Variants in PHYHD1 observed in about 807,000 individuals in gnomAD.
The protein encoded by PHYHD1 is phytanoyl-CoA dioxygenase domain-containing protein 1.
In PHYHD1, 42 loss-of-function variants were observed where a neutral mutation model predicts 43.6. That is an observed-to-expected ratio of 0.96 (90% CI 0.75 to 1.25). The LOEUF (loss-of-function observed/expected upper bound fraction) is 1.25, where lower values mean the gene tolerates loss of function less well. Ranked by LOEUF, PHYHD1 falls within the 50% of genes most tolerant of loss-of-function variation. The pLI is 0.00. For synonymous variants in PHYHD1, 139 were observed against 143.6 expected, an observed-to-expected ratio of 0.97 and a Z score of 0.23; for missense variants, 342 against 370.8, an observed-to-expected ratio of 0.92 and a Z score of 0.64.
chr9:128,937,065 A>C (rs879576920), intron 8 of PHYHD1, among the ~76,000 whole-genome samples: 1 of 152,094 alleles, frequency 6.6e-6, no homozygotes, highest in Non-Finnish European at 1.5e-5. Context: ...CAGTGAGTGG[A>C]GATCACGCCA....
In PHYHD1 at chr9:128,930,585, T is replaced by A. The variant is rs556444279; in HGVS notation, c.193-3197T>A. On this transcript the variant is annotated intron_variant, in intron 4 of 12. Coordinates refer to ENST00000372592, the MANE Select transcript of PHYHD1 (RefSeq NM_001100876.2). ...ACATGGAGGTTGAGGTGAGCCAAGA[T>A]CGCGCTAATGCACTCCAGCCTGGGC... is the stretch of plus-strand genomic sequence containing the variant. Among the ~76,000 whole-genome samples, 55 of 144,230 alleles carry A rather than the reference T, an allele frequency of 3.8e-4. 1 individual carries two copies. Among genetic ancestry groups the A allele is most frequent in the Non-Finnish European group, 7.6e-4 (51 of 66,812 alleles). 94.6% of individuals were successfully genotyped at this position (144,230 alleles called of 152,430 possible). A position where few individuals can be genotyped will look rare whatever the true frequency, so the allele number is the denominator to read the frequency against.
Position 128,936,621 on chromosome 9 carries a change from G to C in PHYHD1, c.411G>C (p.Val137=), listed in dbSNP as rs754763607. 1 of 1,558,208 alleles carries C rather than the reference G, an allele frequency of 6.4e-7. No homozygotes were observed. The change falls in exon 8 of 13, where the codon GTG becomes GTC. Residue 137 remains valine (V), a synonymous_variant. Coordinates refer to ENST00000372592, the MANE Select transcript of PHYHD1 (RefSeq NM_001100876.2). ...GTCTGGGCCTCCAGATGCCCGTGGT[G>C]GTGCAGAGCATGTACATCTTTAAGG... ...ARSLGLQMPV[V]VQSMYIFKQP...
chr9:128,942,028 T>G lies in PHYHD1; in HGVS notation c.*315T>G. 1 of 442,232 alleles carries G rather than the reference T, an allele frequency of 2.3e-6. No homozygotes were observed. The highest frequency in any genetic ancestry group is 4.1e-6 in the Non-Finnish European group (1 of 244,722). 27.4% of individuals were successfully genotyped at this position (442,232 alleles called of 1,614,324 possible). ...GTGTTAGTTATCGAATAAAAACGACTTCAGAATGCAGCTTCCCTACTGAGC... is the reference window on the plus strand; with the variant it reads ...GTGTTAGTTATCGAATAAAAACGACGTCAGAATGCAGCTTCCCTACTGAGC... On this transcript the variant is annotated 3_prime_UTR_variant, in exon 13 of 13. Transcript: ENST00000372592.
intron 4 of PHYHD1, 42 bp downstream of exon 4, chr9:128,927,238 G>A (rs1841160376): frequency 3.1e-6 from 5 of 1,608,650 alleles, no homozygotes; most frequent in Non-Finnish European, 4.2e-6. Context: ...TGGCTTTTGA[G>A]GGAGGGCTTG....
rs538835493 is a variant in PHYHD1, at chr9:128,921,004, G to A, written c.-824G>A. On this transcript the variant is annotated 5_prime_UTR_variant, in exon 1 of 13. Transcript: ENST00000372592. Reference sequence around the variant, plus strand: ...GCCATTCAGAAGGCATCATTTTGGGGAAGGCAGCAGCCGGTTTTTCAGAGC... The same window carrying A: ...GCCATTCAGAAGGCATCATTTTGGGAAAGGCAGCAGCCGGTTTTTCAGAGC... The A allele has an allele frequency of 6.6e-6, 1 of 152,298 alleles. No individual in the cohort carries two copies. Among genetic ancestry groups the A allele is most frequent in the African/African-American group, 2.4e-5 (1 of 41,470 alleles). The allele number at this position is 152,298 out of a possible 1,614,324, so 9.4% of individuals were successfully genotyped here. A position where few individuals can be genotyped will look rare whatever the true frequency, so the allele number is the denominator to read the frequency against.
rs547532940 is a variant in PHYHD1, at chr9:128,926,639, A to G, written c.34-399A>G. Among the ~76,000 whole-genome samples the G allele has an allele frequency of 6.0e-5, 8 of 133,842 alleles. No individual in the cohort carries two copies. In the South Asian group the frequency reaches 1.4e-3, roughly 24 times the overall value. 87.8% of individuals were successfully genotyped at this position (133,842 alleles called of 152,430 possible). ...AGTGGTGAGATCTCGGCTCACTGCA[A>G]CCTCCGCCTCCTGGGTTCAAGTGAT... On this transcript the variant is annotated intron_variant, in intron 3 of 12. Transcript: ENST00000372592.
intron 2 of PHYHD1, 65 bp downstream of exon 2, chr9:128,922,112 T>G: frequency 3.6e-6 from 2 of 552,248 alleles, no homozygotes; most frequent in Admixed American, 3.5e-5. Context: ...TCCTTGGAGA[T>G]GGGAAAGGGC....
rs1841573658 is a variant in PHYHD1 at position 128,941,887 on chromosome 9, T to C, written c.*174T>C. 1.3e-6 allele frequency: 1 copy of C among 782,418 alleles called. No individual in the cohort carries two copies. Among genetic ancestry groups the C allele is most frequent in the African/African-American group, 1.7e-5 (1 of 57,422 alleles). The allele number at this position is 782,418 out of a possible 1,614,324, so 48.5% of individuals were successfully genotyped here. A position where few individuals can be genotyped will look rare whatever the true frequency, so the allele number is the denominator to read the frequency against. On this transcript the variant is annotated 3_prime_UTR_variant, in exon 13 of 13. Coordinates refer to ENST00000372592, the MANE Select transcript of PHYHD1 (RefSeq NM_001100876.2). ...TGGGTCAGGGGCTTCCCTAAGATCT[T>C]CACCTCTCTGCCTCCCTACTGCCCC...
intron 4 of PHYHD1, among the ~76,000 whole-genome samples, chr9:128,932,394 T>C (rs1841314000): frequency 6.6e-6 from 1 of 151,350 alleles, no homozygotes; most frequent in African/African-American, 2.4e-5. Context: ...TGAGATGGAA[T>C]TTCGCTCTTG....
chr9:128,931,682 A>G (rs1294171078), intron 4 of PHYHD1, among the ~76,000 whole-genome samples: 1 of 150,990 alleles, frequency 6.6e-6, no homozygotes, highest in Non-Finnish European at 1.5e-5. Context: ...CCGCCACCAC[A>G]CCCGGCTAAT....
intron 4 of PHYHD1, among the ~76,000 whole-genome samples, chr9:128,932,177 TATTA>T (rs1229520934): frequency 5.6e-5 from 7 of 125,398 alleles, no homozygotes; most frequent in South Asian, 2.5e-4. Context: ...TTGTTATTAT[TATTA>T]TTATTTTTTT....
At position 128,935,378 on chromosome 9, in the gene PHYHD1, A is replaced by G. The variant is rs1841397748; in HGVS notation, c.317-1070A>G. Among the ~76,000 whole-genome samples the G allele has an allele frequency of 2.6e-5, 4 of 151,886 alleles. No homozygotes were observed. In the South Asian group the frequency reaches 8.3e-4, roughly 32 times the overall value. On this transcript the variant is annotated intron_variant, in intron 6 of 12. Transcript: ENST00000372592. ...GGTGGCTCACGCCTGTAATCCCAGCACTTTGGGAGGCTGAGGTGGGCGGAT... is the reference window on the plus strand; with the variant it reads ...GGTGGCTCACGCCTGTAATCCCAGCGCTTTGGGAGGCTGAGGTGGGCGGAT...
chr9:128,933,087 G>A (rs1157613884), intron 4 of PHYHD1, among the ~76,000 whole-genome samples: 10 of 147,678 alleles, frequency 6.8e-5, no homozygotes, highest in Middle Eastern at 4.0e-3. Flanking sequence ...TCCTGACCTC[G>A]TGATCCGCCC....
At chr9:128,926,943 C>T in intron 3 of PHYHD1, 95 bp from the exon 4 acceptor site, 1 of 1,557,898 alleles carries the variant, frequency 6.4e-7, no homozygotes, top group East Asian at 2.2e-5. Flanking sequence ...AAACAAGATA[C>T]CTGGTCCCAC....
chr9:128,938,674 C>T (rs369368545), intron 9 of PHYHD1, among the ~76,000 whole-genome samples: 15,796 of 106,972 alleles, frequency 0.15, 2,291 homozygotes, highest in Non-Finnish European at 0.22. Flanking sequence ...CCACCCGCCT[C>T]AGCCTCCCAA....
chr9:128,932,453 C>T (rs1353353016), intron 4 of PHYHD1, among the ~76,000 whole-genome samples: 4 of 151,802 alleles, frequency 2.6e-5, no homozygotes, highest in African/African-American at 4.8e-5. Context: ...CCGCAACCTC[C>T]GCCTCCCAGG....
intron 9 of PHYHD1, among the ~76,000 whole-genome samples, chr9:128,938,606 A>G (rs1165869107): frequency 6.6e-6 from 1 of 151,746 alleles, no homozygotes; most frequent in East Asian, 1.9e-4. Context: ...TATTTTTAGT[A>G]GAGACGGGGT....
At chr9:128,934,571 C>T (rs1045105406) in intron 6 of PHYHD1, among the ~76,000 whole-genome samples, 3 of 151,996 alleles carry the variant, frequency 2.0e-5, no homozygotes, top group Non-Finnish European at 4.4e-5. Context: ...GAGTTCAAGA[C>T]CAGCCTGACC....
chr9:128,930,989 A>G (rs918024556), intron 4 of PHYHD1, among the ~76,000 whole-genome samples: 1 of 151,740 alleles, frequency 6.6e-6, no homozygotes, highest in Non-Finnish European at 1.5e-5. Flanking sequence ...CTTCTTCTAT[A>G]AAATGGAGAT....
Sources: gnomAD v4.1 joint callset for allele counts (sites outside exome capture counted in the v4.1 genomes callset) on GRCh38, gnomAD v4.1.1 for gene constraint, MANE v1.5 for transcripts, NCBI Gene and HGNC (gene_info 2026-07-23, HGNC 2026-07-21) for gene names.